LARGE1: variants seen among roughly 807,000 people sequenced by gnomAD.
LARGE1 encodes LARGE xylosyl- and glucuronyltransferase 1.
In LARGE1, 43 loss-of-function variants were observed where a neutral mutation model predicts 87.6. That is an observed-to-expected ratio of 0.49 (90% CI 0.38 to 0.63). The LOEUF is 0.63. LARGE1 is among the 30% of genes least tolerant of loss of function. The probability of loss-of-function intolerance (pLI) is 0.00; values close to 1 mark genes in which losing one functional copy is unlikely to be tolerated. For missense variants in LARGE1, 802 were observed against 1,000.2 expected (o/e 0.80, Z 2.67); for synonymous variants, 434 against 394.6 (o/e 1.10, Z -1.18).
intron 11 of LARGE1, among the ~76,000 whole-genome samples, chr22:33,176,674 A>T (rs137355): frequency 0.69 from 104,595 of 152,020 alleles, 37,460 homozygotes; most frequent in African/African-American, 0.9. Flanking sequence ...CTGGAGAGGA[A>T]GTGGAGAAAT....
intron 6 of LARGE1, among the ~76,000 whole-genome samples, chr22:33,463,133 G>A (rs2068446480): frequency 6.6e-6 from 1 of 151,730 alleles, no homozygotes; most frequent in African/African-American, 2.4e-5. Flanking sequence ...ATATCAAGTG[G>A]CAGAAATAAC....
intron 1 of LARGE1, among the ~76,000 whole-genome samples, chr22:33,903,612 G>A (rs1026447479): frequency 5.9e-5 from 9 of 152,130 alleles, no homozygotes; most frequent in Admixed American, 3.3e-4. Flanking sequence ...GGATCACGAG[G>A]TCAAGAGATC....
intron 6 of LARGE1, among the ~76,000 whole-genome samples, chr22:33,505,841 CACTT>C (rs1333287767): frequency 1.3e-5 from 2 of 152,158 alleles, no homozygotes; most frequent in African/African-American, 2.4e-5. Context: ...TCTTTTCTCT[CACTT>C]ACTAATGCTT....
intron 1 of LARGE1, among the ~76,000 whole-genome samples, chr22:33,805,094 C>T (rs1193475301): frequency 1.3e-5 from 2 of 152,206 alleles, no homozygotes; most frequent in South Asian, 2.1e-4. Flanking sequence ...CCACCAACTT[C>T]GTTCCTTTAG....
the LARGE1 span, among the ~76,000 whole-genome samples, chr22:33,114,948 A>C: frequency 2.0e-5 from 3 of 151,878 alleles, no homozygotes; most frequent in Non-Finnish European, 4.4e-5. Flanking sequence ...AAACTCTGAA[A>C]TTTTCTTATT....
At position 33,451,304 on chromosome 22, in the gene LARGE1, C is replaced by T. The variant is rs12160505; in HGVS notation, c.788-19039G>A. The stretch of plus-strand genomic sequence containing the variant: ...GAGAGGGAACACATTTGTCTATATG[C>T]GCGTAGGTGACCACCAAGAAAAGAA... On this transcript the variant is annotated intron_variant, in intron 6 of 14. Transcript: ENST00000397394. 9.0e-3 allele frequency among the ~76,000 whole-genome samples: 1,372 copies of T among 151,818 alleles called. 18 individuals are homozygous for T. Among genetic ancestry groups the T allele is most frequent in the African/African-American group, 0.032 (1,316 of 41,386 alleles).
At chr22:33,528,845 G>T (rs911104300) in intron 6 of LARGE1, among the ~76,000 whole-genome samples, 3 of 152,166 alleles carry the variant, frequency 2.0e-5, no homozygotes, top group African/African-American at 7.2e-5. Context: ...TGATTTGTTA[G>T]GGAGCTTAGG....
intron 2 of LARGE1, among the ~76,000 whole-genome samples, chr22:33,677,180 TAATA>T (rs981997934): frequency 4.0e-5 from 6 of 151,230 alleles, no homozygotes; most frequent in Non-Finnish European, 8.8e-5. Context: ...GCTAATTGCT[TAATA>T]AATGAGAAAC....
At chr22:33,903,892 C>T (rs1465879783) in intron 1 of LARGE1, among the ~76,000 whole-genome samples, 2 of 152,128 alleles carry the variant, frequency 1.3e-5, no homozygotes, top group African/African-American at 4.8e-5. Flanking sequence ...ATCACTGACA[C>T]CACTGTGTCA....
intron 9 of LARGE1, among the ~76,000 whole-genome samples, chr22:33,356,468 CCTT>C (rs1473068158): frequency 6.6e-6 from 1 of 152,120 alleles, no homozygotes; most frequent in Non-Finnish European, 1.5e-5. Context: ...TCTCTATTTC[CCTT>C]CTTTGAAATA....
At chr22:33,832,331 G>C (rs112964674) in intron 1 of LARGE1, among the ~76,000 whole-genome samples, 2,037 of 152,270 alleles carry the variant, frequency 0.013, 47 homozygotes, top group African/African-American at 0.047. Context: ...CAAGCCCGAG[G>C]TACCCTGTGA....
rs550151380 is a variant in LARGE1, at chr22:33,165,752, T to G, written c.*1011A>C. ...CTGGGTCAATGTTTCCTTCGAGTCCTTAACTGCTGTTTGTGATAATAAAAT... is the reference window on the plus strand; with the variant it reads ...CTGGGTCAATGTTTCCTTCGAGTCCGTAACTGCTGTTTGTGATAATAAAAT... On this transcript the variant is annotated 3_prime_UTR_variant, in exon 12 of 12. Coordinates refer to the LARGE1 transcript ENST00000608642. 2.6e-5 allele frequency: 4 copies of G among 152,318 alleles called. No homozygotes were observed. The East Asian group carries it at 7.7e-4, about 29-fold the overall frequency. The allele number at this position is 152,318 out of a possible 1,614,324, so 9.4% of individuals were successfully genotyped here.
At chr22:33,865,012 C>T (rs2064044136) in intron 1 of LARGE1, among the ~76,000 whole-genome samples, 1 of 152,210 alleles carries the variant, frequency 6.6e-6, no homozygotes, top group Non-Finnish European at 1.5e-5. Flanking sequence ...AGAGTCACAG[C>T]CGTGGGTGTC....
At chr22:33,142,736 A>G in the LARGE1 span, among the ~76,000 whole-genome samples, 5 of 152,148 alleles carry the variant, frequency 3.3e-5, no homozygotes, top group East Asian at 3.9e-4. Flanking sequence ...CAGTTTTATT[A>G]TTGACTTTTG....
chr22:33,478,374 G>A (rs2069169667), intron 6 of LARGE1, among the ~76,000 whole-genome samples: 1 of 152,212 alleles, frequency 6.6e-6, no homozygotes, highest in Admixed American at 6.5e-5. Flanking sequence ...AATGTATTTA[G>A]CCATGGAGGC....
intron 6 of LARGE1, among the ~76,000 whole-genome samples, chr22:33,533,422 C>T (rs958040091): frequency 6.6e-6 from 1 of 152,118 alleles, no homozygotes; most frequent in Non-Finnish European, 1.5e-5. Flanking sequence ...GATGCTGTCT[C>T]CCCATACGGC....
At chr22:33,709,713 C>A (rs980540421) in intron 2 of LARGE1, among the ~76,000 whole-genome samples, 5 of 151,592 alleles carry the variant, frequency 3.3e-5, no homozygotes, top group African/African-American at 1.2e-4. Flanking sequence ...GCAAGCTCCA[C>A]CTCCCGGGTT....
intron 1 of LARGE1, among the ~76,000 whole-genome samples, chr22:33,866,197 A>T: frequency 6.6e-6 from 1 of 151,896 alleles, no homozygotes; most frequent in Non-Finnish European, 1.5e-5. Context: ...CTCATAAATG[A>T]TCATAAAGCA....
intron 6 of LARGE1, among the ~76,000 whole-genome samples, chr22:33,483,743 A>G (rs1336272076): frequency 6.6e-6 from 1 of 152,184 alleles, no homozygotes; most frequent in Non-Finnish European, 1.5e-5. Context: ...ACTCTGTTAA[A>G]CTGATGGAGG....
Sources: gnomAD v4.1 joint callset for allele counts (sites outside exome capture counted in the v4.1 genomes callset) on GRCh38, gnomAD v4.1.1 for gene constraint, MANE v1.5 for transcripts, NCBI Gene and HGNC (gene_info 2026-07-23, HGNC 2026-07-21) for gene names.